Variants in MCCC1 observed in about 807,000 individuals in gnomAD.
The protein encoded by MCCC1 is methylcrotonyl-CoA carboxylase subunit 1, also known as methylcrotonoyl-CoA carboxylase subunit alpha, mitochondrial.
Under a neutral mutation model 83.8 loss-of-function variants are expected in MCCC1, and 64 were observed. That is an observed-to-expected ratio of 0.76 (90% CI 0.62 to 0.94). MCCC1 has a LOEUF of 0.94. MCCC1 is among the 40% of genes least tolerant of loss of function. The pLI, the probability that MCCC1 is intolerant of heterozygous loss-of-function variation, is 0.00. For missense variants in MCCC1, 807 were observed against 904.7 expected (o/e 0.89, Z 1.39); for synonymous variants, 322 against 315.4 (o/e 1.02, Z -0.22).
intron 2 of MCCC1, 38 bp downstream of exon 2, chr3:183,094,521 G>A (rs779285734): frequency 1.9e-6 from 3 of 1,607,368 alleles, no homozygotes; most frequent in Non-Finnish European, 2.6e-6. Flanking sequence ...CTTCCAGTCT[G>A]AAGCAAAATC....
At chr3:183,036,537 CTTTTTTT>C (rs11411314) in intron 13 of MCCC1, among the ~76,000 whole-genome samples, 6 of 117,672 alleles carry the variant, frequency 5.1e-5, no homozygotes, top group Non-Finnish European at 3.4e-5. Flanking sequence ...GATCCATTTC[CTTTTTTT>C]TTTTTTTTTT....
At chr3:183,088,486 C>T (rs950326808) in intron 3 of MCCC1, among the ~76,000 whole-genome samples, 4 of 152,108 alleles carry the variant, frequency 2.6e-5, no homozygotes, top group African/African-American at 4.8e-5. Context: ...GGATTACAGG[C>T]GTGAGCCATG....
chr3:183,036,759 T>G, intron 13 of MCCC1, among the ~76,000 whole-genome samples: 1 of 152,112 alleles, frequency 6.6e-6, no homozygotes, highest in African/African-American at 2.4e-5. Flanking sequence ...CAGGATGGTC[T>G]TGATCTCCTG....
Position 183,099,354 on chromosome 3 carries a change from C to T in MCCC1, c.87G>A (p.Pro29=), listed in dbSNP as rs1383349919. 7 of 1,597,734 alleles carry T rather than the reference C, an allele frequency of 4.4e-6. No homozygotes were observed. Among genetic ancestry groups the T allele is most frequent in the Non-Finnish European group, 5.1e-6 (6 of 1,174,416 alleles). ...TGAGCCATGGCCCCTCCACCCACCT[C>T]GGCGGCAGGAGCAGGCTCGGGAGAC... ...WHRLPSLLLP[P]RTWVWRQRTM... is the part of the protein sequence containing the mutation. The change falls in exon 1 of 19, where the codon CCG becomes CCA. Residue 29 remains proline (P), a splice_region_variant and synonymous_variant. Coordinates refer to ENST00000265594, the MANE Select transcript of MCCC1 (RefSeq NM_020166.5).
At chr3:183,023,971 C>T (rs1183827268) in intron 15 of MCCC1, among the ~76,000 whole-genome samples, 2 of 152,150 alleles carry the variant, frequency 1.3e-5, no homozygotes, top group East Asian at 3.9e-4. Flanking sequence ...ACTAAGAAGG[C>T]CAGGCGTGGT....
At chr3:183,065,760 A>T (rs779758391) in intron 7 of MCCC1, among the ~76,000 whole-genome samples, 15 of 152,232 alleles carry the variant, frequency 9.9e-5, no homozygotes, top group Non-Finnish European at 1.9e-4. Context: ...GTGTGTGAAC[A>T]TATTGTCTAA....
In MCCC1 at chr3:183,071,310, C is replaced by T. The variant is rs748201122; in HGVS notation, c.539G>A (p.Gly180Asp). Reference protein sequence around the residue: ...MAAAGVPVVEGYHGEDQSDQC... With the variant: ...MAAAGVPVVEDYHGEDQSDQC... Reference sequence around the variant, plus strand: ...GTCTGATTGGTCCTCACCATGATAACCCTCCACAACAGGTACTCCAGCAGC... The same window carrying T: ...GTCTGATTGGTCCTCACCATGATAATCCTCCACAACAGGTACTCCAGCAGC... Residue 180 changes from glycine to aspartate, a missense_variant, in exon 6 of 19, where the codon GGT becomes GAT. Gly to Asp is a moderately conservative substitution (Grantham distance 94, BLOSUM62 -1). Coordinates refer to ENST00000265594, the MANE Select transcript of MCCC1 (RefSeq NM_020166.5). 3.8e-5 allele frequency: 61 copies of T among 1,614,198 alleles called. No individual in the cohort carries two copies. Among genetic ancestry groups the T allele is most frequent in the Non-Finnish European group, 5.0e-5 (59 of 1,180,040 alleles).
At chr3:183,115,745 G>C (rs1016061314) in exon 1 of MCCC1, 8 of 152,264 alleles carry the variant, frequency 5.3e-5, no homozygotes, top group Non-Finnish European at 1.2e-4. Flanking sequence ...CCAGCTACTC[G>C]GGAGGCTGAG....
chr3:183,068,783 T>C (rs535587406), intron 7 of MCCC1, among the ~76,000 whole-genome samples: 1 of 152,362 alleles, frequency 6.6e-6, no homozygotes, highest in Non-Finnish European at 1.5e-5. Flanking sequence ...TGTTTTGAGA[T>C]GTTTAGATAC....
At chr3:183,062,003 C>A (rs1715871710) in intron 7 of MCCC1, among the ~76,000 whole-genome samples, 1 of 152,136 alleles carries the variant, frequency 6.6e-6, no homozygotes, top group Non-Finnish European at 1.5e-5. Flanking sequence ...CTCACGAGAT[C>A]TGATGGTCTT....
At position 183,099,474 on chromosome 3, in the gene MCCC1, G is replaced by C. The variant is rs1223640810; in HGVS notation, c.-34C>G. 1.3e-6 allele frequency: 2 copies of C among 1,580,510 alleles called. No individual in the cohort carries two copies. The highest frequency in any genetic ancestry group is 1.3e-5 in the African/African-American group (1 of 74,090). On this transcript the variant is annotated 5_prime_UTR_variant, in exon 1 of 19. Coordinates refer to ENST00000265594, the MANE Select transcript of MCCC1 (RefSeq NM_020166.5). ...AGCCCGGCCACTCCGTGACTCCCCA[G>C]TACAGAGGCAGCTGCGTCCCACACG...
At chr3:183,099,638 C>T (rs1048509451), upstream of MCCC1, 22 of 670,146 alleles carry the variant, frequency 3.3e-5, no homozygotes, top group East Asian at 6.0e-4. Context: ...GCTTCAGTAG[C>T]GACGATTGGG....
chr3:183,082,148 G>A (rs1404215450), intron 4 of MCCC1, among the ~76,000 whole-genome samples: 1 of 152,190 alleles, frequency 6.6e-6, no homozygotes, highest in Non-Finnish European at 1.5e-5. Flanking sequence ...CATCAGCATG[G>A]GCTGGACAGA....
chr3:183,048,952 G>GA (rs946247936), intron 9 of MCCC1, among the ~76,000 whole-genome samples: 18 of 152,254 alleles, frequency 1.2e-4, no homozygotes, highest in African/African-American at 4.1e-4. Flanking sequence ...AGGATATCTG[G>GA]AAAATCCTAA....
chr3:183,047,130 C>T (rs1228771092), intron 9 of MCCC1, among the ~76,000 whole-genome samples: 1 of 152,168 alleles, frequency 6.6e-6, no homozygotes, highest in African/African-American at 2.4e-5. Context: ...TCAAGGTTTA[C>T]CCTTGAGAAA....
At chr3:183,037,102 G>A in intron 13 of MCCC1, 116 bp downstream of exon 13, 1 of 951,392 alleles carries the variant, frequency 1.1e-6, no homozygotes, top group Non-Finnish European at 1.7e-6. Context: ...TGAAAAGAAT[G>A]GTGTCAGTCA....
At chr3:183,029,542 A>G (rs923364600) in intron 14 of MCCC1, among the ~76,000 whole-genome samples, 73 of 152,178 alleles carry the variant, frequency 4.8e-4, no homozygotes, top group Non-Finnish European at 1.0e-3. Context: ...TTTCACATGC[A>G]ACAGTTTCCA....
intron 9 of MCCC1, among the ~76,000 whole-genome samples, chr3:183,049,262 G>A (rs1247668491): frequency 6.6e-6 from 1 of 151,944 alleles, no homozygotes; most frequent in East Asian, 1.9e-4. Flanking sequence ...AATTGAAAAT[G>A]GAAAATCAAT....
At chr3:183,061,564 A>G (rs1352296608) in intron 7 of MCCC1, among the ~76,000 whole-genome samples, 1 of 152,162 alleles carries the variant, frequency 6.6e-6, no homozygotes, top group Non-Finnish European at 1.5e-5. Context: ...TCACTTGCAC[A>G]CTGGCCCACA....
Sources: allele counts gnomAD v4.1 joint callset (sites outside exome capture counted in the v4.1 genomes callset), GRCh38; gene constraint gnomAD v4.1.1; transcripts MANE v1.5; gene names NCBI Gene and HGNC (gene_info 2026-07-23, HGNC 2026-07-21).